The following CCR3 variants were observed in gnomAD, a reference collection of about 807,000 sequenced individuals.
CCR3 encodes C-C motif chemokine receptor 3, also known as C-C chemokine receptor type 3.
For synonymous variants in CCR3, 203 were observed against 179.2 expected (o/e 1.13, Z -1.06); for missense variants, 419 against 437.5 (o/e 0.96, Z 0.38).
At chr3:46,243,008 C>CATATATATATATATATATAT (rs1248067512) in intron 1 of CCR3, among the ~76,000 whole-genome samples, 6 of 80,878 alleles carry the variant, frequency 7.4e-5, no homozygotes, top group South Asian at 3.2e-4. Context: ...TATATACGCA[C>CATATATATATATATATATAT]ACACACATAC....
chr3:46,265,320 G>T lies in CCR3; in HGVS notation c.162G>T (p.Val54=). Residue 54 remains valine, a synonymous_variant, in exon 2 of 2, where the codon GTG becomes GTT. Coordinates refer to ENST00000395940, the MANE Select transcript of CCR3 (RefSeq NM_178329.3). The stretch of plus-strand genomic sequence containing the variant: ...CTGTGGGCCTCTTGGGCAATGTGGT[G>T]GTGGTGATGATCCTCATAAAATACA... ...VFTVGLLGNV[V]VVMILIKYRR... is the part of the protein sequence containing the mutation. 6.2e-7 allele frequency: 1 copy of T among 1,614,104 alleles called. No individual in the cohort carries two copies. Among genetic ancestry groups the T allele is most frequent in the South Asian group, 1.1e-5 (1 of 91,082 alleles).
At chr3:46,227,475 T>C (rs1303302246) in intron 2 of CCR3, among the ~76,000 whole-genome samples, 1 of 152,138 alleles carries the variant, frequency 6.6e-6, no homozygotes, top group Non-Finnish European at 1.5e-5. Flanking sequence ...GCATCCCTTG[T>C]GATGGAAGTT....
chr3:46,239,248 G>A (rs1466738114), upstream of CCR3, among the ~76,000 whole-genome samples: 3 of 152,172 alleles, frequency 2.0e-5, no homozygotes, highest in African/African-American at 7.2e-5. Context: ...AATCTCTTGC[G>A]AATTAGCTAT....
intron 2 of CCR3, among the ~76,000 whole-genome samples, chr3:46,232,465 T>C (rs1178155386): frequency 6.6e-6 from 1 of 152,166 alleles, no homozygotes. Context: ...CTGAGGAAGG[T>C]TTGGCATAGC....
intron 1 of CCR3, chr3:46,263,691 C>CG (rs1700567234): frequency 6.6e-6 from 1 of 152,166 alleles, no homozygotes; most frequent in African/African-American, 2.4e-5. Context: ...TTTTCCTCAT[C>CG]ACAACCCCAA....
chr3:46,266,418 G>T lies in CCR3; in HGVS notation c.*192G>T. 1.8e-6 allele frequency: 1 copy of T among 547,792 alleles called. No homozygotes were observed. The highest frequency in any genetic ancestry group is 2.9e-5 in the South Asian group (1 of 34,742). The allele number at this position is 547,792 out of a possible 1,614,324, so 33.9% of individuals were successfully genotyped here. ...CTAAGGTCATTACCACAGGCCAGGG[G>T]CTGGGCAGCGTACTCATCATCAACC... On this transcript the variant is annotated 3_prime_UTR_variant, in exon 2 of 2. Coordinates refer to ENST00000395940, the MANE Select transcript of CCR3 (RefSeq NM_178329.3).
At chr3:46,254,436 T>A (rs1700375497) in intron 1 of CCR3, among the ~76,000 whole-genome samples, 1 of 137,610 alleles carries the variant, frequency 7.3e-6, no homozygotes, top group African/African-American at 2.9e-5. Context: ...ACAGCATAGT[T>A]TATAAAGCAT....
intron 1 of CCR3, among the ~76,000 whole-genome samples, chr3:46,247,813 G>A (rs1224808626): frequency 6.6e-6 from 1 of 152,192 alleles, no homozygotes; most frequent in African/African-American, 2.4e-5. Context: ...TAATTTGCCA[G>A]TCCTGGGCAG....
At chr3:46,235,933 T>A (rs1700019334) in intron 2 of CCR3, among the ~76,000 whole-genome samples, 2 of 152,258 alleles carry the variant, frequency 1.3e-5, no homozygotes, top group South Asian at 2.1e-4. Flanking sequence ...TTCCAGGACA[T>A]TATTTTTGTT....
intron 1 of CCR3, chr3:46,264,387 C>T (rs1449401510): frequency 1.3e-6 from 2 of 1,523,710 alleles, no homozygotes; most frequent in Admixed American, 4.0e-5. Context: ...TTTTTCACAG[C>T]TGCTGTGGAT....
intron 1 of CCR3, among the ~76,000 whole-genome samples, chr3:46,254,053 C>T (rs1700368998): frequency 6.6e-6 from 1 of 152,086 alleles, no homozygotes. Context: ...CTTGATATTT[C>T]CTACTCTGAT....
chr3:46,248,599 G>T (rs549990432), intron 1 of CCR3, among the ~76,000 whole-genome samples: 86 of 152,268 alleles, frequency 5.6e-4, no homozygotes, highest in African/African-American at 2.0e-3. Flanking sequence ...GTTTTTATGA[G>T]AATTATGCCG....
intron 2 of CCR3, among the ~76,000 whole-genome samples, chr3:46,228,277 C>A (rs1344496082): frequency 6.6e-6 from 1 of 151,990 alleles, no homozygotes; most frequent in Non-Finnish European, 1.5e-5. Flanking sequence ...TCTCTCTATC[C>A]CTGTTGTTAC....
chr3:46,255,148 G>A lies in CCR3; in HGVS notation c.-11-10000G>A, dbSNP rs144763040. Among the ~76,000 whole-genome samples, 131 of 152,038 alleles carry A rather than the reference G, an allele frequency of 8.6e-4. 4 individuals are homozygous for A. The highest frequency in any genetic ancestry group is 3.0e-3 in the African/African-American group (123 of 41,498). On this transcript the variant is annotated intron_variant, in intron 1 of 1. Transcript: ENST00000395940. ...ATTTGCATTTCCCTGATAATTAGTG[G>A]TGTTGAGCATTTTTTCATATGTTCG...
intron 2 of CCR3, among the ~76,000 whole-genome samples, chr3:46,214,895 A>G (rs1437150315): frequency 6.6e-6 from 1 of 152,044 alleles, no homozygotes; most frequent in Non-Finnish European, 1.5e-5. Flanking sequence ...TCCCCTCCCA[A>G]TGTCCCTTCC....
intron 2 of CCR3, among the ~76,000 whole-genome samples, chr3:46,235,987 C>A (rs1367493415): frequency 1.3e-5 from 2 of 152,130 alleles, no homozygotes; most frequent in Non-Finnish European, 2.9e-5. Context: ...TTTTTCCTAT[C>A]CCTTTTCTCT....
upstream of CCR3, among the ~76,000 whole-genome samples, chr3:46,239,529 T>G (rs1482863662): frequency 6.6e-6 from 1 of 152,134 alleles, no homozygotes; most frequent in Non-Finnish European, 1.5e-5. Context: ...ATGGGCGAGG[T>G]GAACCCGGTC....
In CCR3 at chr3:46,264,438, A is replaced by G. The variant is rs1444013683; in HGVS notation, c.-11-710A>G. The stretch of plus-strand genomic sequence containing the variant: ...GGAATAAGAATGCTGTTAAGAGCAC[A>G]CAAGCCAGGTTCCTCAAGTCCGTAG... On this transcript the variant is annotated intron_variant, in intron 1 of 1. Transcript: ENST00000395940. The G allele has an allele frequency of 5.2e-6, 8 of 1,528,208 alleles. No homozygotes were observed. The Admixed American group carries it at 8.2e-5, about 16-fold the overall frequency. 94.7% of individuals were successfully genotyped at this position (1,528,208 alleles called of 1,614,324 possible).
At chr3:46,213,088 T>G (rs901633409) in intron 2 of CCR3, among the ~76,000 whole-genome samples, 4 of 152,262 alleles carry the variant, frequency 2.6e-5, no homozygotes, top group African/African-American at 9.6e-5. Context: ...TAACAGTCTC[T>G]TGTAATAATT....
Sources: allele counts gnomAD v4.1 joint callset (sites outside exome capture counted in the v4.1 genomes callset), GRCh38; gene constraint gnomAD v4.1.1; transcripts MANE v1.5; gene names NCBI Gene and HGNC (gene_info 2026-07-23, HGNC 2026-07-21).